The following BORA variants were observed in gnomAD, a reference collection of about 807,000 sequenced individuals.
The protein encoded by BORA is BORA aurora kinase A activator, also known as protein aurora borealis.
In BORA, 26 loss-of-function variants were observed where a neutral mutation model predicts 55.8. The observed-to-expected ratio is 0.47, with a 90% CI of 0.34 to 0.65. The LOEUF (loss-of-function observed/expected upper bound fraction) is 0.65, where lower values mean the gene tolerates loss of function less well. Ranked by LOEUF, BORA falls within the 30% of genes least tolerant of loss-of-function variation. BORA has a pLI of 0.01. For synonymous variants in BORA, 201 were observed against 216.9 expected, an observed-to-expected ratio of 0.93 and a Z score of 0.64; for missense variants, 568 against 671.5, an observed-to-expected ratio of 0.85 and a Z score of 1.70.
At position 72,729,027 on chromosome 13, in the gene BORA, T is replaced by G; in HGVS notation, c.87T>G (p.Ser29Arg). ...TTTTAAATCCTTTTGAAAGTCCTAG[T>G]GATTATTCTAATCTCCATGAACAAA... is the stretch of plus-strand genomic sequence containing the variant. ...IPVLNPFESP[S>R]DYSNLHEQTL... The change falls in exon 2 of 12, where the codon AGT (serine) becomes AGG (arginine). Residue 29 changes from serine (S) to arginine (R), a missense_variant. Ser to Arg is a moderately radical substitution (Grantham distance 110, BLOSUM62 -1). Transcript: ENST00000390667. 6.2e-7 allele frequency: 1 copy of G among 1,605,990 alleles called. No individual in the cohort carries two copies. Among genetic ancestry groups the G allele is most frequent in the East Asian group, 2.3e-5 (1 of 44,416 alleles).
At position 72,756,087 on chromosome 13, in the gene BORA, G is replaced by A. The variant is rs2033461709; in HGVS notation, c.*871G>A. 5.0e-6 allele frequency: 2 copies of A among 396,904 alleles called. No homozygotes were observed. Among genetic ancestry groups the A allele is most frequent in the South Asian group, 1.4e-4 (1 of 7,286 alleles). 24.6% of individuals were successfully genotyped at this position (396,904 alleles called of 1,614,324 possible). The stretch of plus-strand genomic sequence containing the variant: ...ACTTATATCCATGTTGGGAGTAGAT[G>A]GGTATATAACAGTTTGGAAATACTA... On this transcript the variant is annotated 3_prime_UTR_variant, in exon 12 of 12. Coordinates refer to ENST00000390667, the MANE Select transcript of BORA (RefSeq NM_024808.5).
chr13:72,737,917 T>G, intron 4 of BORA, 45 bp from the exon 5 acceptor site: 1 of 1,315,534 alleles, frequency 7.6e-7, no homozygotes, highest in Non-Finnish European at 1.1e-6. Flanking sequence ...CGTCTCACAT[T>G]TTGGGTGGAA....
At chr13:72,750,922 G>A (rs971029178) in intron 10 of BORA, among the ~76,000 whole-genome samples, 1 of 152,084 alleles carries the variant, frequency 6.6e-6, no homozygotes. Context: ...TGCCAGGATG[G>A]GTGTGGGTGC....
chr13:72,737,770 G>T (rs181865392), intron 4 of BORA, among the ~76,000 whole-genome samples, 192 bp from the exon 5 acceptor site: 16 of 152,122 alleles, frequency 1.1e-4, no homozygotes, highest in African/African-American at 3.6e-4. Context: ...TGGTTGATTT[G>T]AAGTATTAAG....
In BORA at chr13:72,745,295, G is replaced by T. The variant is rs1045713964; in HGVS notation, c.738+88G>T. 9.8e-6 allele frequency: 11 copies of T among 1,120,046 alleles called. No individual in the cohort carries two copies. The East Asian group carries it at 1.7e-4, about 17-fold the overall frequency. The allele number at this position is 1,120,046 out of a possible 1,614,324, so 69.4% of individuals were successfully genotyped here. ...GTTGTTCTATCTTAGGCTTTCAGCA[G>T]CCTGAAGCCATGGTTGCTTTCTGTC... On this transcript the variant is annotated intron_variant, in intron 8 of 11. Transcript: ENST00000390667.
At chr13:72,748,689 G>A (rs1012016532) in intron 10 of BORA, among the ~76,000 whole-genome samples, 2 of 151,848 alleles carry the variant, frequency 1.3e-5, no homozygotes, top group Admixed American at 1.3e-4. Flanking sequence ...ATGCCTTAAA[G>A]GCATTGTTTG....
In BORA at chr13:72,755,337, CCTT is replaced by C; in HGVS notation, c.*122_*124del. ...TCAAGTAACATGCTTAGCTTTCCCT[CCTT>C]AATGTGAAAAATCAAGGGCTTACTG... On this transcript the variant is annotated 3_prime_UTR_variant, in exon 12 of 12. Transcript: ENST00000390667. The C allele has an allele frequency of 4.0e-6, 3 of 750,016 alleles. No individual in the cohort carries two copies. Among genetic ancestry groups the C allele is most frequent in the Non-Finnish European group, 6.4e-6 (3 of 466,338 alleles). The allele number at this position is 750,016 out of a possible 1,614,324, so 46.5% of individuals were successfully genotyped here. A position where few individuals can be genotyped will look rare whatever the true frequency, so the allele number is the denominator to read the frequency against.
intron 6 of BORA, among the ~76,000 whole-genome samples, chr13:72,743,854 GCCT>G (rs988568412): frequency 6.6e-6 from 1 of 151,950 alleles, no homozygotes; most frequent in African/African-American, 2.4e-5. Context: ...TCCCACCGCA[GCCT>G]CCTCAGTAGC....
chr13:72,734,496 G>A (rs1253577239), intron 3 of BORA, among the ~76,000 whole-genome samples: 1 of 152,048 alleles, frequency 6.6e-6, no homozygotes, highest in Non-Finnish European at 1.5e-5. Context: ...TAATATTTTT[G>A]ACTGTTTAGA....
Position 72,745,142 on chromosome 13 carries a change from G to C in BORA, c.673G>C (p.Glu225Gln), listed in dbSNP as rs761018752. 1.2e-6 allele frequency: 2 copies of C among 1,614,140 alleles called. No individual in the cohort carries two copies. Among genetic ancestry groups the C allele is most frequent in the Non-Finnish European group, 1.7e-6 (2 of 1,179,978 alleles). ...TCACAGTGGTGTTCAAACATCACTAGAGATGTTTTATTCAATAGATTTGTC... is the reference window on the plus strand; with the variant it reads ...TCACAGTGGTGTTCAAACATCACTACAGATGTTTTATTCAATAGATTTGTC... The part of the protein sequence containing the change: ...SPHSGVQTSL[E>Q]MFYSIDLSPV... The change falls in exon 8 of 12, where the codon GAG (glutamate) becomes CAG (glutamine). Residue 225 changes from glutamate (E) to glutamine (Q), a missense_variant. Physicochemically the swap from Glu to Gln is conservative, Grantham distance 29 (BLOSUM62 2). Coordinates refer to ENST00000390667, the MANE Select transcript of BORA (RefSeq NM_024808.5).
At chr13:72,743,989 G>A (rs1205446581) in intron 6 of BORA, among the ~76,000 whole-genome samples, 1 of 152,018 alleles carries the variant, frequency 6.6e-6, no homozygotes, top group Admixed American at 6.5e-5. Context: ...TGCCCACTTT[G>A]GCCCCCCAAA....
At chr13:72,728,813 G>A (rs1050611012) in intron 1 of BORA, 113 bp from the exon 2 acceptor site, 1 of 882,700 alleles carries the variant, frequency 1.1e-6, no homozygotes, top group East Asian at 2.9e-5. Flanking sequence ...CCCCAAGAGT[G>A]TGAGGTTTTG....
At position 72,753,747 on chromosome 13, in the gene BORA, G is replaced by A; in HGVS notation, c.1540G>A (p.Ala514Thr). The change falls in exon 11 of 12, where the codon GCA becomes ACA. Residue 514 changes from alanine to threonine, a missense_variant. Transcript: ENST00000390667. ...CGSNIMDTVG[A>T]ESYCKESDAQ... ...AAGCAATATTATGGATACAGTTGGG[G>A]CAGAAAGTTACTGCAAAGAAAGTGA... The A allele has an allele frequency of 6.2e-7, 1 of 1,613,540 alleles. No individual in the cohort carries two copies. The highest frequency in any genetic ancestry group is 8.5e-7 in the Non-Finnish European group (1 of 1,179,674).
intron 4 of BORA, among the ~76,000 whole-genome samples, chr13:72,736,452 C>T (rs2032929888): frequency 6.6e-6 from 1 of 152,060 alleles, no homozygotes; most frequent in Non-Finnish European, 1.5e-5. Flanking sequence ...ATATTTTCGA[C>T]AAATAGGATT....
chr13:72,736,591 G>A (rs1281834303), intron 4 of BORA, among the ~76,000 whole-genome samples: 1 of 152,012 alleles, frequency 6.6e-6, no homozygotes, highest in Non-Finnish European at 1.5e-5. Flanking sequence ...TAGTTACCTA[G>A]CCCCTGTTGA....
chr13:72,742,809 C>T (rs1350028518), intron 5 of BORA, among the ~76,000 whole-genome samples: 1 of 121,998 alleles, frequency 8.2e-6, no homozygotes, highest in East Asian at 2.4e-4. Flanking sequence ...CACACACACA[C>T]ACAAAATGGA....
chr13:72,747,168 T>G (rs1329995698), intron 10 of BORA, 57 bp downstream of exon 10: 2 of 1,544,774 alleles, frequency 1.3e-6, no homozygotes, highest in African/African-American at 2.7e-5. Context: ...TCTTTATCCT[T>G]TCTAAGATTA....
At chr13:72,742,797 C>G (rs963373130) in intron 5 of BORA, among the ~76,000 whole-genome samples, 3 of 132,354 alleles carry the variant, frequency 2.3e-5, no homozygotes, top group African/African-American at 7.7e-5. Flanking sequence ...CACACACACA[C>G]ACACACACAC....
chr13:72,746,432 C>T, intron 9 of BORA, 69 bp from the exon 10 acceptor site: 1 of 1,484,232 alleles, frequency 6.7e-7, no homozygotes, highest in Non-Finnish European at 9.0e-7. Context: ...AACATGATTA[C>T]CATTTAGTAG....
Sources: allele counts gnomAD v4.1 joint callset (sites outside exome capture counted in the v4.1 genomes callset), GRCh38; gene constraint gnomAD v4.1.1; transcripts MANE v1.5; gene names NCBI Gene and HGNC (gene_info 2026-07-23, HGNC 2026-07-21).